ADGRB3: variants seen among roughly 807,000 people sequenced by gnomAD.
ADGRB3 encodes the protein brain-specific angiogenesis inhibitor 3.
A neutral mutation model predicts 193.4 loss-of-function variants in ADGRB3; 37 were observed. The observed-to-expected ratio is 0.19, with a 90% confidence interval of 0.15 to 0.25. ADGRB3 has a LOEUF of 0.25. Among genes scored for constraint, ADGRB3 ranks in the 10% least tolerant of loss-of-function variants. The pLI is 1.00. For missense variants in ADGRB3, 1,637 were observed against 1,852.9 expected (o/e 0.88, Z 2.14); for synonymous variants, 690 against 644.2 (o/e 1.07, Z -1.08).
At chr6:68,747,337 T>A (rs1182667630) in intron 3 of ADGRB3, among the ~76,000 whole-genome samples, 1 of 152,182 alleles carries the variant, frequency 6.6e-6, no homozygotes, top group African/African-American at 2.4e-5. Context: ...TAATGCATTG[T>A]CAGCAGCAAA....
intron 3 of ADGRB3, among the ~76,000 whole-genome samples, chr6:68,842,297 A>T (rs1055488463): frequency 3.9e-5 from 6 of 151,956 alleles, no homozygotes; most frequent in African/African-American, 1.4e-4. Flanking sequence ...ACTAAAAAAA[A>T]TCCAAATAAA....
At chr6:69,232,735 C>A in intron 17 of ADGRB3, 1 of 984,662 alleles carries the variant, frequency 1.0e-6, no homozygotes, top group Non-Finnish European at 1.5e-6. Flanking sequence ...ATTTTCACAG[C>A]AGCTATTCTA....
intron 23 of ADGRB3, among the ~76,000 whole-genome samples, chr6:69,330,913 T>C (rs1487258240): frequency 1.3e-5 from 2 of 152,196 alleles, no homozygotes; most frequent in Admixed American, 1.3e-4. Context: ...TTCTGTACAA[T>C]ACATATGGTT....
chr6:69,252,633 G>C (rs1394306420), intron 20 of ADGRB3, among the ~76,000 whole-genome samples: 1 of 151,664 alleles, frequency 6.6e-6, no homozygotes, highest in East Asian at 1.9e-4. Context: ...GTCCTTATAG[G>C]CCATTTTAAA....
chr6:68,698,248 G>A (rs1274685533), intron 3 of ADGRB3, among the ~76,000 whole-genome samples: 1 of 151,894 alleles, frequency 6.6e-6, no homozygotes, highest in Non-Finnish European at 1.5e-5. Context: ...TGTTTTTTAT[G>A]TGGTTGGTAG....
At chr6:68,994,940 A>G (rs1187375040) in intron 11 of ADGRB3, among the ~76,000 whole-genome samples, 1 of 152,142 alleles carries the variant, frequency 6.6e-6, no homozygotes, top group Admixed American at 6.5e-5. Context: ...AAGACTTTTT[A>G]GAATCATGGA....
chr6:69,351,335 C>T (rs1472730376), intron 26 of ADGRB3, among the ~76,000 whole-genome samples: 1 of 151,866 alleles, frequency 6.6e-6, no homozygotes, highest in African/African-American at 2.4e-5. Flanking sequence ...CCTCATGTTC[C>T]GCCCGCCTTG....
At chr6:69,217,168 C>T (rs1765787542) in intron 17 of ADGRB3, among the ~76,000 whole-genome samples, 1 of 152,022 alleles carries the variant, frequency 6.6e-6, no homozygotes, top group Non-Finnish European at 1.5e-5. Context: ...ATGTCTCACC[C>T]AAAAGAGTCG....
At chr6:68,785,208 A>T (rs1053554960) in intron 3 of ADGRB3, among the ~76,000 whole-genome samples, 5 of 152,060 alleles carry the variant, frequency 3.3e-5, no homozygotes, top group Non-Finnish European at 7.4e-5. Context: ...CACAACGTGC[A>T]GGTTTGTTAC....
chr6:69,357,932 A>C (rs1472428846), intron 28 of ADGRB3, among the ~76,000 whole-genome samples: 2 of 151,982 alleles, frequency 1.3e-5, no homozygotes, highest in Non-Finnish European at 2.9e-5. Context: ...AATTTCTCAA[A>C]AATCACTAGC....
intron 17 of ADGRB3, among the ~76,000 whole-genome samples, chr6:69,221,507 G>A (rs1389375645): frequency 6.6e-6 from 1 of 152,084 alleles, no homozygotes; most frequent in African/African-American, 2.4e-5. Flanking sequence ...GGAACCTTAG[G>A]ACAGTGCTTC....
chr6:69,388,759 C>A lies in ADGRB3; in HGVS notation c.4437C>A (p.Tyr1479Ter). The change falls in exon 32 of 32, where the codon TAC becomes TAA. Residue 1479 changes from tyrosine to a stop codon, truncating the protein, a stop_gained. Transcript: ENST00000370598. LOFTEE classifies it high-confidence loss of function. The stretch of plus-strand genomic sequence containing the variant: ...ACACTTTCAAAAACCCCAGTGAATA[C>A]CCGCATTACACCACAATCAATGTCT... ...PWDTFKNPSE[Y>*]PHYTTINVLD... 1.9e-6 allele frequency: 3 copies of A among 1,613,430 alleles called. No homozygotes were observed. Among genetic ancestry groups the A allele is most frequent in the Non-Finnish European group, 2.5e-6 (3 of 1,179,638 alleles).
intron 20 of ADGRB3, among the ~76,000 whole-genome samples, chr6:69,300,552 A>G (rs905643676): frequency 1.4e-4 from 21 of 151,852 alleles, no homozygotes; most frequent in African/African-American, 4.8e-4. Flanking sequence ...AGATTATATC[A>G]TCTTATATTT....
intron 3 of ADGRB3, among the ~76,000 whole-genome samples, chr6:68,647,230 G>C (rs1020803985): frequency 6.6e-6 from 1 of 151,952 alleles, no homozygotes; most frequent in Non-Finnish European, 1.5e-5. Context: ...ATGTTTCTTT[G>C]TGAAGTAGAA....
intron 3 of ADGRB3, among the ~76,000 whole-genome samples, chr6:68,734,297 T>A (rs1355647135): frequency 6.6e-6 from 1 of 151,992 alleles, no homozygotes; most frequent in Non-Finnish European, 1.5e-5. Flanking sequence ...AGCAAGGACA[T>A]CTCCCTTGCC....
chr6:68,917,438 C>A (rs1329072905), intron 3 of ADGRB3, among the ~76,000 whole-genome samples: 1 of 152,128 alleles, frequency 6.6e-6, no homozygotes, highest in Non-Finnish European at 1.5e-5. Context: ...TATTTGTAAT[C>A]TTTCTTCTAC....
chr6:69,194,546 A>AGAAT (rs748382047), intron 17 of ADGRB3, among the ~76,000 whole-genome samples: 9 of 152,148 alleles, frequency 5.9e-5, no homozygotes, highest in Non-Finnish European at 1.2e-4. Context: ...TGATTGCGTG[A>AGAAT]GAATGGGCTT....
intron 17 of ADGRB3, among the ~76,000 whole-genome samples, chr6:69,140,864 C>A (rs565965394): frequency 1.7e-3 from 254 of 152,046 alleles, no homozygotes; most frequent in South Asian, 3.3e-3. Flanking sequence ...TAATTCATTT[C>A]ACTTATTCAT....
intron 20 of ADGRB3, among the ~76,000 whole-genome samples, chr6:69,247,131 A>G (rs1766515267): frequency 1.3e-5 from 2 of 152,060 alleles, no homozygotes; most frequent in East Asian, 3.9e-4. Context: ...CCTCCATATC[A>G]CTTTGAGAAA....
Sources: gnomAD v4.1 joint callset for allele counts (sites outside exome capture counted in the v4.1 genomes callset) on GRCh38, gnomAD v4.1.1 for gene constraint, MANE v1.5 for transcripts, NCBI Gene and HGNC (gene_info 2026-07-23, HGNC 2026-07-21) for gene names.